RUNX1T1: variants seen among roughly 807,000 people sequenced by gnomAD.
The protein encoded by RUNX1T1 is RUNX1 partner transcriptional co-repressor 1.
In RUNX1T1, 4 loss-of-function variants were observed where a neutral mutation model predicts 62.8. The observed-to-expected ratio is 0.06, with a 90% confidence interval of 0.03 to 0.15. RUNX1T1 has a LOEUF of 0.15. Among genes scored for constraint, RUNX1T1 ranks in the 10% least tolerant of loss-of-function variants. RUNX1T1 has a pLI of 1.00. For missense variants in RUNX1T1, 508 were observed against 754.3 expected (o/e 0.67, Z 3.82); for synonymous variants, 291 against 286.0 (o/e 1.02, Z -0.18).
At chr8:92,081,919 T>G (rs546673672) in intron 1 of RUNX1T1, among the ~76,000 whole-genome samples, 134 of 152,258 alleles carry the variant, frequency 8.8e-4, no homozygotes, top group African/African-American at 3.1e-3. Context: ...GGAGTCTCAC[T>G]CTGTCGCCCA....
upstream of RUNX1T1, among the ~76,000 whole-genome samples, chr8:92,064,699 G>A (rs1043299867): frequency 1.3e-5 from 2 of 152,010 alleles, no homozygotes; most frequent in African/African-American, 4.8e-5. Flanking sequence ...CAATATGCAT[G>A]GTGAATCACT....
chr8:91,964,164 C>G (rs1454068399), intron 10 of RUNX1T1, among the ~76,000 whole-genome samples: 1 of 152,170 alleles, frequency 6.6e-6, no homozygotes, highest in Admixed American at 6.5e-5. Context: ...AATGCCAACA[C>G]TGCATACTGA....
At chr8:91,982,314 G>A (rs1045907275) in intron 8 of RUNX1T1, among the ~76,000 whole-genome samples, 5 of 149,426 alleles carry the variant, frequency 3.3e-5, no homozygotes, top group African/African-American at 1.2e-4. Context: ...ACAGATACAA[G>A]ACAAACTACA....
intron 1 of RUNX1T1, among the ~76,000 whole-genome samples, chr8:92,049,061 T>C (rs1829847252): frequency 6.6e-6 from 1 of 152,116 alleles, no homozygotes; most frequent in African/African-American, 2.4e-5. Context: ...TCTCACCTGA[T>C]CAGCTGGTTT....
intron 1 of RUNX1T1, among the ~76,000 whole-genome samples, chr8:92,035,898 A>C (rs1198238239): frequency 6.6e-6 from 1 of 152,160 alleles, no homozygotes; most frequent in Non-Finnish European, 1.5e-5. Context: ...GAACCATAAA[A>C]TTCTGGCTAG....
At chr8:92,063,128 G>C (rs1003970043), upstream of RUNX1T1, among the ~76,000 whole-genome samples, 2 of 151,026 alleles carry the variant, frequency 1.3e-5, no homozygotes, top group Non-Finnish European at 2.9e-5. Flanking sequence ...AGAACTCAAA[G>C]CCTGTTTATT....
intron 2 of RUNX1T1, among the ~76,000 whole-genome samples, chr8:92,073,817 C>T (rs1394558650): frequency 6.6e-6 from 1 of 152,186 alleles, no homozygotes; most frequent in Non-Finnish European, 1.5e-5. Context: ...CCACTTTAGC[C>T]TCCCAAGTAG....
intron 1 of RUNX1T1, among the ~76,000 whole-genome samples, chr8:92,040,606 T>C (rs1828261601): frequency 6.6e-6 from 1 of 152,220 alleles, no homozygotes; most frequent in Non-Finnish European, 1.5e-5. Flanking sequence ...CTGAACCAAC[T>C]GGGAGTTAGG....
intron 1 of RUNX1T1, among the ~76,000 whole-genome samples, chr8:92,051,921 C>T (rs746350679): frequency 1.3e-5 from 2 of 152,010 alleles, no homozygotes; most frequent in African/African-American, 2.4e-5. Context: ...TTGCCTGTGT[C>T]CCTAGACTTC....
At position 92,099,592 on chromosome 8, in the gene RUNX1T1, C is replaced by A. The variant is rs575117603; in HGVS notation, c.-98G>T. 5 of 983,474 alleles carry A rather than the reference C, an allele frequency of 5.1e-6. No individual in the cohort carries two copies. The African/African-American group carries it at 8.7e-5, about 17-fold the overall frequency. The allele number at this position is 983,474 out of a possible 1,614,324, so 60.9% of individuals were successfully genotyped here. On this transcript the variant is annotated 5_prime_UTR_variant, in exon 1 of 12. Coordinates refer to the RUNX1T1 transcript ENST00000265814. ...TTACATAACTTACAGTAATAGACTC[C>A]GGCAAAATGCAACTGACTCCGTTTT...
upstream of RUNX1T1, among the ~76,000 whole-genome samples, chr8:92,067,674 T>C (rs1240381856): frequency 6.6e-6 from 1 of 152,202 alleles, no homozygotes; most frequent in Non-Finnish European, 1.5e-5. Context: ...TGTCCTCTTA[T>C]ACATGAATAA....
At chr8:92,004,031 G>C (rs1159584770) in intron 5 of RUNX1T1, among the ~76,000 whole-genome samples, 3 of 152,200 alleles carry the variant, frequency 2.0e-5, no homozygotes, top group African/African-American at 7.2e-5. Flanking sequence ...TGTAATAACA[G>C]TATGTAAACT....
downstream of RUNX1T1, chr8:91,957,961 G>A (rs1809616881): frequency 4.6e-6 from 1 of 218,806 alleles, no homozygotes; most frequent in Non-Finnish European, 9.2e-6. Flanking sequence ...AAACCAACTT[G>A]TATATGAAAA....
upstream of RUNX1T1, among the ~76,000 whole-genome samples, chr8:92,067,030 A>G (rs1467092438): frequency 1.3e-5 from 2 of 152,210 alleles, no homozygotes; most frequent in Admixed American, 1.3e-4. Flanking sequence ...AGAACTCACA[A>G]GAACTTTGCT....
intron 6 of RUNX1T1, among the ~76,000 whole-genome samples, chr8:91,990,551 A>C (rs1379094817): frequency 6.6e-6 from 1 of 152,254 alleles, no homozygotes; most frequent in African/African-American, 2.4e-5. Context: ...ACCACTGATC[A>C]TATGTTTAAA....
chr8:91,991,769 A>G (rs767036721), exon 6 of RUNX1T1: 1 of 1,614,088 alleles, frequency 6.2e-7, no homozygotes, highest in East Asian at 2.2e-5. Context: ...GAGGCAGGCC[A>G]TTGGGCTGGT....
At chr8:92,040,542 T>TA (rs1332993301) in intron 1 of RUNX1T1, among the ~76,000 whole-genome samples, 1 of 152,000 alleles carries the variant, frequency 6.6e-6, no homozygotes, top group Admixed American at 6.6e-5. Context: ...TATCAAGTTT[T>TA]AAAAAAACAA....
intron 1 of RUNX1T1, among the ~76,000 whole-genome samples, chr8:92,062,244 T>C (rs764142712): frequency 6.6e-6 from 1 of 152,220 alleles, no homozygotes; most frequent in Non-Finnish European, 1.5e-5. Context: ...ACTTCTTACT[T>C]GAGCTAAAAC....
rs528400137 is a variant in RUNX1T1 at position 92,010,904 on chromosome 8, A to G, written c.477+98T>C. 4.5e-6 allele frequency: 3 copies of G among 671,112 alleles called. No homozygotes were observed. The African/African-American group carries it at 5.4e-5, about 12-fold the overall frequency. 41.6% of individuals were successfully genotyped at this position (671,112 alleles called of 1,614,324 possible). ...TCAGATAGTTTTCATCCATTAAATT[A>G]AATCAAAGAGCCCCTAAATGTACTA... On this transcript the variant is annotated intron_variant, in intron 4 of 10. Transcript: ENST00000396218.
Sources: gnomAD v4.1 joint callset for allele counts (sites outside exome capture counted in the v4.1 genomes callset) on GRCh38, gnomAD v4.1.1 for gene constraint, MANE v1.5 for transcripts, NCBI Gene and HGNC (gene_info 2026-07-23, HGNC 2026-07-21) for gene names.